PNPLA1: variants seen among roughly 807,000 people sequenced by gnomAD.
PNPLA1 encodes omega-hydroxyceramide transacylase.
PNPLA1 carries 36 observed loss-of-function variants against 51.7 expected under a neutral mutation model. The ratio of observed to expected loss-of-function variants is 0.70; its 90% confidence interval spans 0.53 to 0.92. The LOEUF (loss-of-function observed/expected upper bound fraction) is 0.92. Among genes scored for constraint, PNPLA1 ranks in the 40% least tolerant of loss-of-function variants. The probability of loss-of-function intolerance (pLI) is 0.00; values close to 1 mark genes in which losing one functional copy is unlikely to be tolerated. For synonymous variants in PNPLA1, 293 were observed against 280.1 expected (o/e 1.05, Z -0.46); for missense variants, 658 against 682.5 (o/e 0.96, Z 0.40).
At chr6:36,306,780 G>C (rs977835731) in intron 7 of PNPLA1, among the ~76,000 whole-genome samples, 1 of 152,132 alleles carries the variant, frequency 6.6e-6, no homozygotes, top group Non-Finnish European at 1.5e-5. Context: ...TCTATCAAAG[G>C]CCTTCCTTAC....
At chr6:36,296,296 C>T (rs911226529) in intron 5 of PNPLA1, among the ~76,000 whole-genome samples, 2 of 152,168 alleles carry the variant, frequency 1.3e-5, no homozygotes, top group Non-Finnish European at 2.9e-5. Context: ...AAGAAATCAA[C>T]AAAAGCTTTG....
At chr6:36,247,187 G>A (rs1029756140) in intron 1 of PNPLA1, among the ~76,000 whole-genome samples, 3 of 151,966 alleles carry the variant, frequency 2.0e-5, no homozygotes, top group Admixed American at 2.0e-4. Context: ...ACCTCTTTCC[G>A]GCTCGTGCCT....
intron 1 of PNPLA1, among the ~76,000 whole-genome samples, chr6:36,257,420 C>T (rs1769554989): frequency 6.6e-6 from 1 of 152,238 alleles, no homozygotes; most frequent in South Asian, 2.1e-4. Context: ...TGTCTTCTTG[C>T]TCTGCCATAG....
intron 8 of PNPLA1, among the ~76,000 whole-genome samples, chr6:36,309,281 C>T (rs773325476): frequency 6.6e-6 from 1 of 152,118 alleles, no homozygotes; most frequent in African/African-American, 2.4e-5. Flanking sequence ...GACGGCAGCT[C>T]GAGGTCCCTG....
In PNPLA1 at chr6:36,259,991, T is replaced by C. The variant is rs146517620; in HGVS notation, c.-81+16730T>C. ...TAAATCTAAAATAAAAGTTGAAATT[T>C]TTTTTTTAAGAAATGAAAGACCATT... is the stretch of plus-strand genomic sequence containing the variant. On this transcript the variant is annotated intron_variant, in intron 1 of 7. Transcript: ENST00000312917. 4.2e-4 allele frequency among the ~76,000 whole-genome samples: 64 copies of C among 152,228 alleles called. No individual in the cohort carries two copies. In the East Asian group the frequency reaches 0.012, roughly 29 times the overall value.
At chr6:36,306,425 C>A in intron 7 of PNPLA1, 49 bp downstream of exon 7, 2 of 1,515,572 alleles carry the variant, frequency 1.3e-6, no homozygotes, top group African/African-American at 1.4e-5. Flanking sequence ...ACGGAAGAAG[C>A]AAGCCCGGCT....
At chr6:36,267,567 C>T (rs1582042246), upstream of PNPLA1, among the ~76,000 whole-genome samples, 1 of 152,198 alleles carries the variant, frequency 6.6e-6, no homozygotes, top group African/African-American at 2.4e-5. Context: ...TCAGGATGCA[C>T]TGTCTCTGAA....
At position 36,288,088 on chromosome 6, in the gene PNPLA1, A is replaced by C. The variant is rs1770558283; in HGVS notation, c.206-3232A>C. On this transcript the variant is annotated intron_variant, in intron 1 of 8. Transcript: ENST00000636260. ...AGATGAATAATATACTAAAGCCACCATTAAAGTAAGCATTATAAGACTTTA... is the reference window on the plus strand; with the variant it reads ...AGATGAATAATATACTAAAGCCACCCTTAAAGTAAGCATTATAAGACTTTA... Among the ~76,000 whole-genome samples the C allele has an allele frequency of 2.0e-5, 3 of 152,344 alleles. No individual in the cohort carries two copies. In the South Asian group the frequency reaches 6.2e-4, roughly 32 times the overall value.
At position 36,312,450 on chromosome 6, in the gene PNPLA1, A is replaced by G. The variant is rs549364627; in HGVS notation, c.*564A>G. 6.7e-4 allele frequency among the ~76,000 whole-genome samples: 102 copies of G among 152,322 alleles called. No individual in the cohort carries two copies. Among genetic ancestry groups the G allele is most frequent in the African/African-American group, 2.2e-3 (93 of 41,560 alleles). The stretch of plus-strand genomic sequence containing the variant: ...GATTTCCAATTTCCATGCATTGGCT[A>G]TAACAGGCCTGGCTACCTGCTGAGG... On this transcript the variant is annotated 3_prime_UTR_variant, in exon 9 of 9. Coordinates refer to ENST00000636260, the MANE Select transcript of PNPLA1 (RefSeq NM_001374623.1).
upstream of PNPLA1, among the ~76,000 whole-genome samples, chr6:36,267,937 G>A (rs541507225): frequency 6.6e-6 from 1 of 152,250 alleles, no homozygotes; most frequent in Non-Finnish European, 1.5e-5. Context: ...CTAAAAGTGA[G>A]GCCTCAGCCT....
At chr6:36,288,701 A>G (rs999902559) in intron 1 of PNPLA1, among the ~76,000 whole-genome samples, 2 of 149,902 alleles carry the variant, frequency 1.3e-5, no homozygotes, top group Non-Finnish European at 1.5e-5. Context: ...CTCATGATCC[A>G]CCCGCCTCGG....
At position 36,302,148 on chromosome 6, in the gene PNPLA1, G is replaced by A. The variant is rs766001985; in HGVS notation, c.1063G>A (p.Ala355Thr). 10 of 1,614,216 alleles carry A rather than the reference G, an allele frequency of 6.2e-6. No homozygotes were observed. Among genetic ancestry groups the A allele is most frequent in the Non-Finnish European group, 7.6e-6 (9 of 1,180,048 alleles). Residue 355 changes from alanine to threonine, a missense_variant, in exon 6 of 9, where the codon GCA becomes ACA. Ala to Thr is a moderately conservative substitution (Grantham distance 58). Coordinates refer to ENST00000636260, the MANE Select transcript of PNPLA1 (RefSeq NM_001374623.1). ...AGTCTCTCCACTTGAGCAGCCACCT[G>A]CACAGCCACTGGCCTCTTCAACTCC... ...APVSPLEQPP[A>T]QPLASSTPLS...
intron 1 of PNPLA1, among the ~76,000 whole-genome samples, chr6:36,288,051 A>G (rs1770556624): frequency 6.6e-6 from 1 of 152,192 alleles, no homozygotes; most frequent in Non-Finnish European, 1.5e-5. Flanking sequence ...TGAATAGGTG[A>G]GAGTTGACTG....
At chr6:36,298,330 AT>A (rs1379456525) in intron 5 of PNPLA1, among the ~76,000 whole-genome samples, 1 of 152,228 alleles carries the variant, frequency 6.6e-6, no homozygotes, top group Non-Finnish European at 1.5e-5. Flanking sequence ...GTGTGGACAT[AT>A]GCTTTCATTT....
chr6:36,309,966 A>G (rs1771350762), intron 8 of PNPLA1, among the ~76,000 whole-genome samples: 1 of 152,220 alleles, frequency 6.6e-6, no homozygotes, highest in Non-Finnish European at 1.5e-5. Flanking sequence ...CCCTGCAGAC[A>G]AGTAGAGAGA....
chr6:36,258,420 T>C (rs4711447), intron 1 of PNPLA1, among the ~76,000 whole-genome samples: 37,367 of 152,090 alleles, frequency 0.25, 5,049 homozygotes, highest in East Asian at 0.52. Flanking sequence ...CAAAAAATTT[T>C]TTAAAAAATC....
At chr6:36,243,371 A>G (rs2127304734) in intron 1 of PNPLA1, 1 of 152,242 alleles carries the variant, frequency 6.6e-6, no homozygotes, top group South Asian at 2.1e-4. Flanking sequence ...AGAGTGAGGG[A>G]GGAAAGATTT....
chr6:36,312,268 C>T lies in PNPLA1; in HGVS notation c.*382C>T, dbSNP rs1465914118. Reference sequence around the variant, plus strand: ...CATCCGGAGACCACTTCAGCCCCATCCCCTTCCTAAAAAAACAAGTATCAG... The same window carrying T: ...CATCCGGAGACCACTTCAGCCCCATTCCCTTCCTAAAAAAACAAGTATCAG... On this transcript the variant is annotated 3_prime_UTR_variant, in exon 9 of 9. Transcript: ENST00000636260. The T allele has an allele frequency of 4.6e-5, 7 of 152,360 alleles. No individual in the cohort carries two copies. The highest frequency in any genetic ancestry group is 1.7e-4 in the African/African-American group (7 of 41,572). 9.4% of individuals were successfully genotyped at this position (152,360 alleles called of 1,614,324 possible). A position where few individuals can be genotyped will look rare whatever the true frequency, so the allele number is the denominator to read the frequency against.
chr6:36,310,589 A>G (rs1054303201), intron 8 of PNPLA1, among the ~76,000 whole-genome samples: 1 of 152,224 alleles, frequency 6.6e-6, no homozygotes, highest in Non-Finnish European at 1.5e-5. Flanking sequence ...TACAACTTAC[A>G]TAGTACTTAC....
Sources: allele counts gnomAD v4.1 joint callset (sites outside exome capture counted in the v4.1 genomes callset), GRCh38; gene constraint gnomAD v4.1.1; transcripts MANE v1.5; gene names NCBI Gene and HGNC (gene_info 2026-07-23, HGNC 2026-07-21).